The following HTRA1 variants were observed in gnomAD, a reference collection of about 807,000 sequenced individuals.
HTRA1 encodes the protein HtrA serine peptidase 1, also known as serine protease HTRA1.
HTRA1 carries 26 observed loss-of-function variants against 49.7 expected under a neutral mutation model. That is an observed-to-expected ratio of 0.52 (90% CI 0.38 to 0.73). The LOEUF (loss-of-function observed/expected upper bound fraction) is 0.73. Ranked by LOEUF, HTRA1 falls within the 30% of genes least tolerant of loss-of-function variation. The pLI is 0.00. For missense variants in HTRA1, 561 were observed against 667.2 expected (o/e 0.84, Z 1.75); for synonymous variants, 291 against 286.9 (o/e 1.01, Z -0.14).
intron 8 of HTRA1, among the ~76,000 whole-genome samples, chr10:122,513,893 CT>C (rs11295304): frequency 0.56 from 73,327 of 129,892 alleles, 20,333 homozygotes; most frequent in African/African-American, 0.63. Flanking sequence ...AAACCTGGCT[CT>C]TTTTTTTTTT....
At chr10:122,483,960 A>G (rs2097492075) in intron 1 of HTRA1, among the ~76,000 whole-genome samples, 1 of 152,092 alleles carries the variant, frequency 6.6e-6, no homozygotes, top group African/African-American at 2.4e-5. Context: ...GATTTCTAGA[A>G]TTTTTCTATA....
chr10:122,502,079 G>T (rs2097501155), intron 3 of HTRA1, among the ~76,000 whole-genome samples: 1 of 147,330 alleles, frequency 6.8e-6, no homozygotes, highest in African/African-American at 2.5e-5. Context: ...GGAAGACTCT[G>T]GGCTGAGCTG....
chr10:122,461,703 G>C lies in HTRA1; in HGVS notation c.51G>C (p.Ala17=), dbSNP rs751549406. The change falls in exon 1 of 9, where the codon GCG becomes GCC. Residue 17 remains alanine (A), a synonymous_variant. Coordinates refer to ENST00000368984, the MANE Select transcript of HTRA1 (RefSeq NM_002775.5). ...ALLPLLLLLL[A]APASAQLSRA... ...TCCCGCTGCTGCTGCTGCTGCTGGC[G>C]GCGCCCGCCTCGGCGCAGCTGTCCC... is the stretch of plus-strand genomic sequence containing the variant. 2.3e-6 allele frequency: 3 copies of C among 1,297,054 alleles called. No homozygotes were observed. Among genetic ancestry groups the C allele is most frequent in the African/African-American group, 1.6e-5 (1 of 62,848 alleles). The allele number at this position is 1,297,054 out of a possible 1,614,324, so 80.3% of individuals were successfully genotyped here.
intron 1 of HTRA1, among the ~76,000 whole-genome samples, chr10:122,473,694 A>G (rs1297890445): frequency 6.6e-6 from 1 of 152,182 alleles, no homozygotes; most frequent in Non-Finnish European, 1.5e-5. Flanking sequence ...GGACACTTTC[A>G]TCACCGTAAA....
chr10:122,500,791 G>A (rs2097500555), intron 3 of HTRA1, among the ~76,000 whole-genome samples: 1 of 152,148 alleles, frequency 6.6e-6, no homozygotes, highest in Non-Finnish European at 1.5e-5. Context: ...TGGTTCATCT[G>A]TGGTTCAGTT....
chr10:122,486,628 G>A (rs1162611284), intron 1 of HTRA1, among the ~76,000 whole-genome samples: 1 of 152,176 alleles, frequency 6.6e-6, no homozygotes, highest in African/African-American at 2.4e-5. Flanking sequence ...AGGGATGTGG[G>A]AACCAGTGGG....
In HTRA1 at chr10:122,499,570, C is replaced by T. The variant is rs570471643; in HGVS notation, c.778-7121C>T. Among the ~76,000 whole-genome samples the T allele has an allele frequency of 3.9e-5, 6 of 152,218 alleles. No homozygotes were observed. The East Asian group carries it at 1.2e-3, about 29-fold the overall frequency. Reference sequence around the variant, plus strand: ...CGCTGACCCGCCCTTTTTCACAGTTCCTCCCCTGCCCATGTGCTCACTTCC... The same window carrying T: ...CGCTGACCCGCCCTTTTTCACAGTTTCTCCCCTGCCCATGTGCTCACTTCC... On this transcript the variant is annotated intron_variant, in intron 3 of 8. Coordinates refer to ENST00000368984, the MANE Select transcript of HTRA1 (RefSeq NM_002775.5).
chr10:122,477,131 C>G (rs1053939476), intron 1 of HTRA1, among the ~76,000 whole-genome samples: 1 of 151,936 alleles, frequency 6.6e-6, no homozygotes. Context: ...CCATGCCTGG[C>G]TAATTTTTTG....
rs539325980 is a variant in HTRA1 at position 122,492,644 on chromosome 10, T to C, written c.777+3018T>C. On this transcript the variant is annotated intron_variant, in intron 3 of 8. Coordinates refer to ENST00000368984, the MANE Select transcript of HTRA1 (RefSeq NM_002775.5). The stretch of plus-strand genomic sequence containing the variant: ...CCATTGCGCGTGGCTGTAAACGTGA[T>C]ATTCTTGAGACTTTCAGTGAAATAA... Among the ~76,000 whole-genome samples the C allele has an allele frequency of 1.3e-4, 20 of 152,352 alleles. 1 individual carries two copies. In the South Asian group the frequency reaches 3.1e-3, roughly 24 times the overall value.
intron 1 of HTRA1, among the ~76,000 whole-genome samples, chr10:122,467,295 C>T (rs1021726720): frequency 7.2e-5 from 11 of 152,300 alleles, no homozygotes; most frequent in Middle Eastern, 3.4e-3. Flanking sequence ...TGAGGGCAAG[C>T]GGCTCTGGCC....
chr10:122,482,648 G>A (rs58315581), intron 1 of HTRA1, among the ~76,000 whole-genome samples: 28,569 of 151,858 alleles, frequency 0.19, 3,085 homozygotes, highest in South Asian at 0.43. Flanking sequence ...GGCCAGGTGC[G>A]GTGGCTCACA....
At chr10:122,502,038 T>G (rs367786119) in intron 3 of HTRA1, among the ~76,000 whole-genome samples, 104 of 148,136 alleles carry the variant, frequency 7.0e-4, no homozygotes, top group African/African-American at 2.4e-3. Context: ...ACACAAACTA[T>G]TTTTAGTGCT....
intron 1 of HTRA1, among the ~76,000 whole-genome samples, chr10:122,485,130 C>T (rs1427689666): frequency 6.6e-6 from 1 of 152,254 alleles, no homozygotes; most frequent in Non-Finnish European, 1.5e-5. Flanking sequence ...TTATTCCTCA[C>T]TCTGAAATGG....
chr10:122,477,985 T>G (rs980218755), intron 1 of HTRA1, among the ~76,000 whole-genome samples: 7 of 152,220 alleles, frequency 4.6e-5, no homozygotes, highest in Non-Finnish European at 1.0e-4. Context: ...CCTGCCCAGT[T>G]TCTTAGCTCA....
At chr10:122,491,406 C>T (rs941978854) in intron 3 of HTRA1, among the ~76,000 whole-genome samples, 2 of 152,184 alleles carry the variant, frequency 1.3e-5, no homozygotes, top group African/African-American at 4.8e-5. Context: ...GTAGTCTCAC[C>T]GGAAGGAGCC....
intron 3 of HTRA1, among the ~76,000 whole-genome samples, chr10:122,496,228 C>CTTTTTTT (rs71026021): frequency 3.3e-4 from 25 of 75,680 alleles, no homozygotes; most frequent in African/African-American, 1.3e-3. Context: ...ATTGTGGGTT[C>CTTTTTTT]TTTTTTTTTT....
chr10:122,474,926 A>G (rs1200941534), intron 1 of HTRA1, among the ~76,000 whole-genome samples: 3 of 152,274 alleles, frequency 2.0e-5, no homozygotes, highest in African/African-American at 7.2e-5. Flanking sequence ...AGTGATTTTC[A>G]ATGACAGGCG....
chr10:122,494,796 G>GC lies in HTRA1; in HGVS notation c.777+5172dup, dbSNP rs1222497190. Among the ~76,000 whole-genome samples the GC allele has an allele frequency of 1.4e-4, 22 of 152,162 alleles. No homozygotes were observed. Among genetic ancestry groups the GC allele is most frequent in the African/African-American group, 5.1e-4 (21 of 41,438 alleles). On this transcript the variant is annotated intron_variant, in intron 3 of 8. Coordinates refer to ENST00000368984, the MANE Select transcript of HTRA1 (RefSeq NM_002775.5). The surrounding 1 kb of genome is among the most constrained non-coding windows in gnomAD (Gnocchi z 4.0). ...GCTGGCTGGTGCAGTGAGAAGGAAG[G>GC]CCGACACCCCTGATCCTCATCAAGT...
intron 1 of HTRA1, among the ~76,000 whole-genome samples, chr10:122,486,949 G>A (rs2097493370): frequency 6.6e-6 from 1 of 151,866 alleles, no homozygotes. Context: ...GTGTGTATGT[G>A]TGAGTTTGTG....
Sources: gnomAD v4.1 joint callset for allele counts (sites outside exome capture counted in the v4.1 genomes callset) on GRCh38, gnomAD v4.1.1 for gene constraint, Gnocchi (gnomAD v3.1) non-coding constraint, MANE v1.5 for transcripts, NCBI Gene and HGNC (gene_info 2026-07-23, HGNC 2026-07-21) for gene names.